SCARA5: variants seen among roughly 807,000 people sequenced by gnomAD.
SCARA5 encodes the protein scavenger receptor class A, member 5 (putative).
A neutral mutation model predicts 46.3 loss-of-function variants in SCARA5; 45 were observed. The ratio of observed to expected loss-of-function variants is 0.97; its 90% CI spans 0.76 to 1.24. SCARA5 has a LOEUF of 1.24. Ranked by LOEUF, SCARA5 falls within the 50% of genes most tolerant of loss-of-function variation. The pLI, the probability that SCARA5 is intolerant of heterozygous loss-of-function variation, is 0.00. For synonymous variants in SCARA5, 333 were observed against 306.5 expected (o/e 1.09, Z -0.90); for missense variants, 680 against 689.0 (o/e 0.99, Z 0.15).
At chr8:27,901,079 A>G (rs185578810) in intron 7 of SCARA5, among the ~76,000 whole-genome samples, 3 of 152,272 alleles carry the variant, frequency 2.0e-5, no homozygotes, top group Non-Finnish European at 4.4e-5. Flanking sequence ...AGATCAAAAC[A>G]TGGGTAAACA....
intron 4 of SCARA5, among the ~76,000 whole-genome samples, chr8:27,919,770 A>G (rs1221584862): frequency 1.3e-5 from 2 of 151,684 alleles, no homozygotes; most frequent in Non-Finnish European, 2.9e-5. Context: ...TGGGCAAGCT[A>G]TGGAAGCTTC....
intron 3 of SCARA5, among the ~76,000 whole-genome samples, chr8:27,943,709 GCAGCGGTCAGAGAGGAAAA>G (rs1807986947): frequency 6.6e-6 from 1 of 152,192 alleles, no homozygotes; most frequent in Non-Finnish European, 1.5e-5. Context: ...ACCTTACATT[GCAGCGGTCAGAGAGGAAAA>G]CAGCAATGAA....
At chr8:27,965,892 G>A (rs1808361620) in intron 3 of SCARA5, among the ~76,000 whole-genome samples, 2 of 152,180 alleles carry the variant, frequency 1.3e-5, no homozygotes, top group South Asian at 2.1e-4. Context: ...CTTCTCCATG[G>A]CTGGAGAACA....
intron 2 of SCARA5, among the ~76,000 whole-genome samples, chr8:27,979,502 C>T (rs766576129): frequency 1.3e-4 from 20 of 151,758 alleles, no homozygotes; most frequent in Non-Finnish European, 2.8e-4. Context: ...CCAGCCAGCA[C>T]TCAGCAGAGA....
chr8:27,949,105 T>C (rs1808082762), intron 3 of SCARA5, among the ~76,000 whole-genome samples: 1 of 152,218 alleles, frequency 6.6e-6, no homozygotes, highest in Non-Finnish European at 1.5e-5. Context: ...GCTGGTGGTG[T>C]GGTGGACAGA....
In SCARA5 at chr8:27,879,427, G is replaced by A. The variant is rs145222511; in HGVS notation, c.1351+142C>T. 268 of 743,812 alleles carry A rather than the reference G, an allele frequency of 3.6e-4. No individual in the cohort carries two copies. In the African/African-American group the frequency reaches 3.7e-3, roughly 10 times the overall value. The allele number at this position is 743,812 out of a possible 1,614,324, so 46.1% of individuals were successfully genotyped here. A position where few individuals can be genotyped will look rare whatever the true frequency, so the allele number is the denominator to read the frequency against. ...AGATGGTTGCCTGGGGCGGGGCAGT[G>A]AGTTCTTATTGCAGCAAGCATTTGG... On this transcript the variant is annotated intron_variant, in intron 8 of 8. Coordinates refer to ENST00000354914, the MANE Select transcript of SCARA5 (RefSeq NM_173833.6).
At chr8:27,979,822 A>G (rs866137502) in intron 2 of SCARA5, among the ~76,000 whole-genome samples, 1 of 152,224 alleles carries the variant, frequency 6.6e-6, no homozygotes, top group Middle Eastern at 3.4e-3. Flanking sequence ...CGGCCTCCCA[A>G]AGTGCCAGAA....
intron 2 of SCARA5, among the ~76,000 whole-genome samples, chr8:27,973,909 T>G (rs574834562): frequency 6.6e-6 from 1 of 152,206 alleles, no homozygotes; most frequent in Non-Finnish European, 1.5e-5. Context: ...TTCCTAGAGG[T>G]AAACATTGTG....
chr8:27,964,915 C>T (rs1169125490), intron 3 of SCARA5, among the ~76,000 whole-genome samples: 1 of 152,184 alleles, frequency 6.6e-6, no homozygotes, highest in Admixed American at 6.5e-5. Flanking sequence ...GGAATGCTTT[C>T]TGAACATTCC....
intron 4 of SCARA5, among the ~76,000 whole-genome samples, chr8:27,920,071 G>A (rs1401850596): frequency 6.6e-6 from 1 of 151,780 alleles, no homozygotes; most frequent in Admixed American, 6.6e-5. Context: ...GGAGGGAAGG[G>A]GACCAGTTTG....
At chr8:27,933,417 G>A (rs1807808166) in intron 3 of SCARA5, among the ~76,000 whole-genome samples, 2 of 151,904 alleles carry the variant, frequency 1.3e-5, no homozygotes, top group African/African-American at 4.8e-5. Flanking sequence ...AGCTACTCAG[G>A]AGGCTGAGGC....
chr8:27,909,800 G>A (rs1241138489), intron 4 of SCARA5, 57 bp from the exon 5 acceptor site: 1 of 1,222,458 alleles, frequency 8.2e-7, no homozygotes, highest in Non-Finnish European at 1.2e-6. Context: ...ACAGGACCAG[G>A]TCATCTGTAG....
intron 2 of SCARA5, among the ~76,000 whole-genome samples, chr8:27,986,065 C>A (rs555240719): frequency 8.8e-4 from 134 of 152,276 alleles, no homozygotes; most frequent in South Asian, 5.2e-3. Context: ...CCCCACTGTG[C>A]TGTACCCAGT....
chr8:27,928,262 T>C (rs940461167), intron 3 of SCARA5, among the ~76,000 whole-genome samples: 1 of 152,212 alleles, frequency 6.6e-6, no homozygotes, highest in African/African-American at 2.4e-5. Context: ...TGCAAACAGC[T>C]CATTTATCTC....
At chr8:27,980,317 C>T (rs1490924041) in intron 2 of SCARA5, among the ~76,000 whole-genome samples, 1 of 152,164 alleles carries the variant, frequency 6.6e-6, no homozygotes, top group Non-Finnish European at 1.5e-5. Context: ...ACTGCCCTGG[C>T]CACTCATCAC....
At chr8:27,931,695 G>A (rs1244933123) in intron 3 of SCARA5, among the ~76,000 whole-genome samples, 1 of 151,956 alleles carries the variant, frequency 6.6e-6, no homozygotes, top group Non-Finnish European at 1.5e-5. Flanking sequence ...ACAGAGTCTC[G>A]CTCTGTCACC....
At chr8:27,882,616 G>T (rs1012521676) in intron 7 of SCARA5, among the ~76,000 whole-genome samples, 3 of 152,194 alleles carry the variant, frequency 2.0e-5, no homozygotes, top group African/African-American at 7.2e-5. Context: ...GTGTGAAAGT[G>T]CTTTAAGCCA....
intron 3 of SCARA5, among the ~76,000 whole-genome samples, chr8:27,956,545 T>G (rs1323932047): frequency 6.6e-6 from 1 of 152,228 alleles, no homozygotes; most frequent in Non-Finnish European, 1.5e-5. Context: ...GATTACTCAT[T>G]GTTATCCCCA....
At chr8:27,954,490 T>C (rs1454569226) in intron 3 of SCARA5, among the ~76,000 whole-genome samples, 1 of 152,232 alleles carries the variant, frequency 6.6e-6, no homozygotes, top group Non-Finnish European at 1.5e-5. Flanking sequence ...GTGCTCTTTT[T>C]TTCCCTTAAC....
Sources: allele counts gnomAD v4.1 joint callset (sites outside exome capture counted in the v4.1 genomes callset), GRCh38; gene constraint gnomAD v4.1.1; transcripts MANE v1.5; gene names NCBI Gene and HGNC (gene_info 2026-07-23, HGNC 2026-07-21).